Variants in CIMAP3 observed in about 807,000 individuals in gnomAD.
The protein encoded by CIMAP3 is ciliary microtubule associated protein 3.
At chr1:111,336,838 T>G in the CIMAP3 span, among the ~76,000 whole-genome samples, 1 of 151,904 alleles carries the variant, frequency 6.6e-6, no homozygotes, top group Non-Finnish European at 1.5e-5. Context: ...ATTCAGGAAA[T>G]ACAGAGAACA....
the CIMAP3 span, among the ~76,000 whole-genome samples, chr1:111,332,572 T>C: frequency 1.3e-3 from 197 of 152,178 alleles, no homozygotes; most frequent in Non-Finnish European, 2.2e-3. Flanking sequence ...CCTAGGAGTA[T>C]CTTTGCTTGA....
chr1:111,336,706 C>T, the CIMAP3 span, among the ~76,000 whole-genome samples: 1,365 of 152,236 alleles, frequency 9.0e-3, 23 homozygotes, highest in African/African-American at 0.031. Flanking sequence ...GTGAAAAGAC[C>T]GAATCTTCGT....
the CIMAP3 span, chr1:111,348,493 A>T: frequency 6.3e-7 from 1 of 1,582,360 alleles, no homozygotes; most frequent in Non-Finnish European, 8.6e-7. Context: ...TCTGTAACAT[A>T]ATGATCTTTT....
At chr1:111,340,873 C>T in the CIMAP3 span, among the ~76,000 whole-genome samples, 3 of 152,058 alleles carry the variant, frequency 2.0e-5, no homozygotes, top group African/African-American at 7.2e-5. Context: ...ACCCAAAGGA[C>T]TATAAATCAT....
At chr1:111,343,422 C>G in the CIMAP3 span, among the ~76,000 whole-genome samples, 5 of 152,128 alleles carry the variant, frequency 3.3e-5, no homozygotes, top group Admixed American at 1.3e-4. Context: ...ATAACAGTCT[C>G]CATAAACATC....
At chr1:111,348,421 G>A in the CIMAP3 span, 10 of 1,269,806 alleles carry the variant, frequency 7.9e-6, no homozygotes, top group Admixed American at 2.7e-4. Flanking sequence ...TTTATGAACA[G>A]AAAGAGGATG....
the CIMAP3 span, among the ~76,000 whole-genome samples, chr1:111,330,112 G>A: frequency 0.078 from 11,860 of 152,004 alleles, 588 homozygotes; most frequent in African/African-American, 0.14. Context: ...TATTTTTCCT[G>A]GATTGGGTTT....
the CIMAP3 span, chr1:111,346,597 C>G: frequency 1.2e-6 from 2 of 1,612,024 alleles, no homozygotes; most frequent in Non-Finnish European, 1.7e-6. Context: ...AATCACGGGA[C>G]TAGCCTTCGT....
chr1:111,351,172 T>TTG, the CIMAP3 span: 13,486 of 674,270 alleles, frequency 0.02, 128 homozygotes, highest in East Asian at 0.11. Flanking sequence ...TACAGTTTTT[T>TTG]TTTTTTTTTT....
At chr1:111,325,706 AC>A in the CIMAP3 span, among the ~76,000 whole-genome samples, 1 of 152,202 alleles carries the variant, frequency 6.6e-6, no homozygotes, top group South Asian at 2.1e-4. Flanking sequence ...GGATTTCAGT[AC>A]ATAAATGTTT....
the CIMAP3 span, among the ~76,000 whole-genome samples, chr1:111,339,071 A>G: frequency 3.3e-5 from 5 of 152,172 alleles, no homozygotes; most frequent in Non-Finnish European, 7.4e-5. Flanking sequence ...AATAAATGTA[A>G]TCCAGCATAT....
chr1:111,334,698 AATG>A, the CIMAP3 span, among the ~76,000 whole-genome samples: 1 of 152,244 alleles, frequency 6.6e-6, no homozygotes, highest in African/African-American at 2.4e-5. Flanking sequence ...AAGAGATTTA[AATG>A]ATAATTTTTA....
chr1:111,347,140 T>C, the CIMAP3 span: 5 of 1,430,282 alleles, frequency 3.5e-6, no homozygotes, highest in East Asian at 1.2e-4. Flanking sequence ...AAAAATTCTG[T>C]GGGACTTGAG....
the CIMAP3 span, among the ~76,000 whole-genome samples, chr1:111,336,314 G>A: frequency 2.2e-4 from 34 of 152,214 alleles, no homozygotes; most frequent in Non-Finnish European, 3.4e-4. Context: ...CCAAAGGAAC[G>A]CAGTTCCTCA....
At chr1:111,327,746 T>A in the CIMAP3 span, among the ~76,000 whole-genome samples, 15 of 152,140 alleles carry the variant, frequency 9.9e-5, no homozygotes, top group African/African-American at 3.6e-4. Flanking sequence ...ATCCTCCCTC[T>A]TTTCTTCTCT....
At chr1:111,344,750 T>C in the CIMAP3 span, among the ~76,000 whole-genome samples, 27 of 152,302 alleles carry the variant, frequency 1.8e-4, no homozygotes, top group African/African-American at 4.1e-4. Flanking sequence ...CCTACAAATG[T>C]TAATATTACC....
the CIMAP3 span, among the ~76,000 whole-genome samples, chr1:111,341,084 A>G: frequency 6.6e-6 from 1 of 151,456 alleles, no homozygotes; most frequent in Non-Finnish European, 1.5e-5. Flanking sequence ...GGAAATCATC[A>G]TTCTCAGTAA....
chr1:111,337,800 T>C, the CIMAP3 span, among the ~76,000 whole-genome samples: 11,694 of 152,038 alleles, frequency 0.077, 565 homozygotes, highest in African/African-American at 0.13. Flanking sequence ...GGCAGAAAGT[T>C]AACAAGGATA....
At chr1:111,326,015 TG>T in the CIMAP3 span, among the ~76,000 whole-genome samples, 1 of 152,182 alleles carries the variant, frequency 6.6e-6, no homozygotes, top group Non-Finnish European at 1.5e-5. Flanking sequence ...GTAAACATGC[TG>T]TTTTTTTACT....
Sources: allele counts gnomAD v4.1 joint callset (sites outside exome capture counted in the v4.1 genomes callset), GRCh38; gene constraint gnomAD v4.1.1; transcripts MANE v1.5; gene names NCBI Gene and HGNC (gene_info 2026-07-23, HGNC 2026-07-21).